PPP6R2: variants seen among roughly 807,000 people sequenced by gnomAD.
PPP6R2 encodes the protein serine/threonine-protein phosphatase 6 regulatory subunit 2.
Under a neutral mutation model 100.2 loss-of-function variants are expected in PPP6R2, and 62 were observed. The observed-to-expected ratio is 0.62, with a 90% CI of 0.50 to 0.76. The LOEUF is 0.76. PPP6R2 is among the 30% of genes least tolerant of loss of function. PPP6R2 has a pLI of 0.00. For synonymous variants in PPP6R2, 525 were observed against 514.7 expected, an observed-to-expected ratio of 1.02 and a Z score of -0.27; for missense variants, 1,142 against 1,276.3, an observed-to-expected ratio of 0.89 and a Z score of 1.60.
intron 4 of PPP6R2, chr22:50,407,315 C>G (rs1458476600): frequency 1.1e-5 from 2 of 175,602 alleles, no homozygotes; most frequent in Non-Finnish European, 2.5e-5. Context: ...CCACTGCACT[C>G]CAGCCTGGGC....
At position 50,440,827 on chromosome 22, in the gene PPP6R2, C is replaced by A. The variant is rs749687321; in HGVS notation, c.2380C>A (p.Pro794Thr). The change falls in exon 22 of 24, where the codon CCG (proline) becomes ACG (threonine). Residue 794 changes from proline to threonine, a missense_variant. Coordinates refer to ENST00000612753, the MANE Select transcript of PPP6R2 (RefSeq NM_001242898.2). Reference sequence around the variant, plus strand: ...ACAGGCCTCCTACTTTGCAGTCAGCCCGGCTTCTCCATGTGCCTGGAACGT... The same window carrying A: ...ACAGGCCTCCTACTTTGCAGTCAGCACGGCTTCTCCATGTGCCTGGAACGT... ...RSQGPEKAFSPASPCAWNVCV... is the reference protein window; with the variant it reads ...RSQGPEKAFSTASPCAWNVCV... The A allele has an allele frequency of 2.0e-5, 32 of 1,613,308 alleles. No homozygotes were observed. The highest frequency in any genetic ancestry group is 2.5e-5 in the Non-Finnish European group (30 of 1,180,012).
upstream of PPP6R2, chr22:50,343,235 G>C (rs1414773009): frequency 2.7e-5 from 4 of 150,842 alleles, no homozygotes; most frequent in Non-Finnish European, 4.5e-5. Flanking sequence ...CCAGGTCCCG[G>C]CCCCGCCCAC....
At chr22:50,359,585 G>A (rs1032497068) in intron 1 of PPP6R2, among the ~76,000 whole-genome samples, 40 of 152,084 alleles carry the variant, frequency 2.6e-4, no homozygotes, top group African/African-American at 9.4e-4. Flanking sequence ...TGTATGTTGA[G>A]ATGATCACTT....
chr22:50,420,710 G>C (rs921947992), intron 8 of PPP6R2, among the ~76,000 whole-genome samples: 7 of 152,188 alleles, frequency 4.6e-5, no homozygotes, highest in African/African-American at 1.7e-4. Flanking sequence ...TGGCACAAGG[G>C]GGTGTGGTTG....
chr22:50,334,598 C>T, the PPP6R2 span, among the ~76,000 whole-genome samples: 1 of 152,120 alleles, frequency 6.6e-6, no homozygotes, highest in Non-Finnish European at 1.5e-5. Context: ...GGGTGGCTTG[C>T]CGCCCACAAT....
chr22:50,351,042 T>G (rs1451676388), intron 1 of PPP6R2, among the ~76,000 whole-genome samples: 59 of 123,948 alleles, frequency 4.8e-4, no homozygotes, highest in Non-Finnish European at 6.8e-4. Context: ...TTTTTTTTTT[T>G]TTTTTTTTTT....
intron 10 of PPP6R2, among the ~76,000 whole-genome samples, chr22:50,424,795 G>A (rs1419499806): frequency 1.3e-5 from 2 of 151,784 alleles, no homozygotes; most frequent in East Asian, 3.9e-4. Context: ...GCGCCACCAT[G>A]CCCAGCTAAT....
intron 1 of PPP6R2, among the ~76,000 whole-genome samples, chr22:50,353,563 A>AATGC (rs1348364374): frequency 3.9e-5 from 6 of 152,210 alleles, no homozygotes; most frequent in Admixed American, 1.3e-4. Flanking sequence ...GAATTACCAG[A>AATGC]ATGCAACACA....
At chr22:50,368,854 C>T (rs1030836902) in intron 1 of PPP6R2, among the ~76,000 whole-genome samples, 1 of 150,720 alleles carries the variant, frequency 6.6e-6, no homozygotes, top group African/African-American at 2.5e-5. Context: ...CACACACATT[C>T]TTCCTCCAGC....
At chr22:50,411,440 C>T (rs1021094192) in intron 4 of PPP6R2, among the ~76,000 whole-genome samples, 1 of 149,798 alleles carries the variant, frequency 6.7e-6, no homozygotes, top group Admixed American at 6.6e-5. Context: ...GGTAACAGAG[C>T]GAGACTCTGT....
At chr22:50,409,065 G>C (rs1236463095) in intron 4 of PPP6R2, among the ~76,000 whole-genome samples, 1 of 152,218 alleles carries the variant, frequency 6.6e-6, no homozygotes, top group Non-Finnish European at 1.5e-5. Flanking sequence ...AGTGAGCTGA[G>C]ATTGCGCCAT....
intron 1 of PPP6R2, among the ~76,000 whole-genome samples, chr22:50,370,432 C>T (rs996382742): frequency 1.6e-4 from 24 of 151,458 alleles, no homozygotes; most frequent in Admixed American, 3.3e-4. Flanking sequence ...GGATTACAGG[C>T]GCCTGCCACC....
chr22:50,390,095 G>A (rs998105880), intron 2 of PPP6R2, among the ~76,000 whole-genome samples: 2 of 150,736 alleles, frequency 1.3e-5, no homozygotes, highest in East Asian at 2.0e-4. Flanking sequence ...GGGTTCAGGC[G>A]ATTCTCCTGC....
chr22:50,382,836 A>T (rs374762596), intron 2 of PPP6R2, among the ~76,000 whole-genome samples: 32,590 of 141,148 alleles, frequency 0.23, 4,176 homozygotes, highest in South Asian at 0.43. Flanking sequence ...TTACAAGCAA[A>T]TTTTTTTTTT....
At chr22:50,382,691 A>T (rs1440610978) in intron 2 of PPP6R2, among the ~76,000 whole-genome samples, 1 of 152,206 alleles carries the variant, frequency 6.6e-6, no homozygotes, top group Admixed American at 6.5e-5. Context: ...ACTTGAATAA[A>T]TGGGCAGAGG....
the PPP6R2 span, among the ~76,000 whole-genome samples, chr22:50,331,867 G>C: frequency 2.0e-5 from 3 of 152,102 alleles, no homozygotes; most frequent in Non-Finnish European, 4.4e-5. Context: ...TGATCCACCC[G>C]CCTTGGCCTC....
upstream of PPP6R2, among the ~76,000 whole-genome samples, chr22:50,342,947 C>T (rs1205125660): frequency 6.6e-6 from 1 of 152,090 alleles, no homozygotes; most frequent in African/African-American, 2.4e-5. Context: ...GAGGGAGGCC[C>T]GGGAGAACAG....
chr22:50,443,998 C>T lies in PPP6R2; in HGVS notation c.2712C>T (p.Pro904=), dbSNP rs149021660. The T allele has an allele frequency of 4.2e-3, 6,782 of 1,613,264 alleles. 76 individuals carry two copies. The highest frequency in any genetic ancestry group is 0.025 in the South Asian group (2,310 of 91,078). ...CCACAGCACTGAGCAAGGCTGGCCC[C>T]GCCATACCCACCCCAGCAGTCTCTT... ...AITTALSKAG[P]AIPTPAVSSA... is the part of the protein sequence containing the mutation. The change falls in exon 23 of 24, where the codon CCC becomes CCT. Residue 904 remains proline (P), a synonymous_variant. Transcript: ENST00000612753.
At chr22:50,413,024 G>T (rs1163551189) in intron 4 of PPP6R2, among the ~76,000 whole-genome samples, 2 of 146,346 alleles carry the variant, frequency 1.4e-5, no homozygotes, top group Non-Finnish European at 3.0e-5. Context: ...GCAATGGTGC[G>T]ATCTTGGCTT....
Sources: allele counts gnomAD v4.1 joint callset (sites outside exome capture counted in the v4.1 genomes callset), GRCh38; gene constraint gnomAD v4.1.1; transcripts MANE v1.5; gene names NCBI Gene and HGNC (gene_info 2026-07-23, HGNC 2026-07-21).